Variants in DKK2 observed in about 807,000 individuals in gnomAD.
The protein encoded by DKK2 is dickkopf Wnt signaling pathway inhibitor 2, also known as dickkopf-related protein 2.
A neutral mutation model predicts 28.1 loss-of-function variants in DKK2; 11 were observed. The observed-to-expected ratio is 0.39, with a 90% CI of 0.25 to 0.65. The LOEUF (loss-of-function observed/expected upper bound fraction) is 0.65, where lower values mean the gene tolerates loss of function less well. DKK2 is among the 30% of genes least tolerant of loss of function. The pLI, the probability that DKK2 is intolerant of heterozygous loss-of-function variation, is 0.47. For missense variants in DKK2, 326 were observed against 335.5 expected (o/e 0.97, Z 0.22); for synonymous variants, 135 against 126.5 (o/e 1.07, Z -0.45).
At chr4:106,944,519 G>A (rs1724749659) in intron 1 of DKK2, among the ~76,000 whole-genome samples, 1 of 151,970 alleles carries the variant, frequency 6.6e-6, no homozygotes, top group African/African-American at 2.4e-5. Context: ...AAACCCTACA[G>A]AAATTTACAT....
At chr4:106,997,763 A>C (rs2110363862) in intron 1 of DKK2, among the ~76,000 whole-genome samples, 1 of 152,328 alleles carries the variant, frequency 6.6e-6, no homozygotes, top group South Asian at 2.1e-4. Context: ...GTCTGCAACT[A>C]TGCATGCATG....
chr4:106,974,499 G>GAA (rs1313735302), intron 1 of DKK2, among the ~76,000 whole-genome samples: 2 of 151,878 alleles, frequency 1.3e-5, no homozygotes, highest in Non-Finnish European at 2.9e-5. Context: ...TTCTCTTCAT[G>GAA]GCAATTGTGA....
chr4:107,001,605 C>T (rs1320878424), intron 1 of DKK2, among the ~76,000 whole-genome samples: 4 of 152,250 alleles, frequency 2.6e-5, no homozygotes, highest in East Asian at 3.9e-4. Flanking sequence ...ATGCTTGGTG[C>T]TCAGTAAAGA....
chr4:107,017,462 A>G (rs1439358138), intron 1 of DKK2, among the ~76,000 whole-genome samples: 2 of 152,020 alleles, frequency 1.3e-5, no homozygotes, highest in Non-Finnish European at 2.9e-5. Flanking sequence ...TTAGAGAGAG[A>G]GAATCAGAGA....
intron 1 of DKK2, among the ~76,000 whole-genome samples, chr4:106,948,791 A>G (rs1389557059): frequency 1.3e-5 from 2 of 152,166 alleles, no homozygotes; most frequent in South Asian, 2.1e-4. Flanking sequence ...ATCAAAGGTA[A>G]GAGGGCTTCT....
intron 1 of DKK2, among the ~76,000 whole-genome samples, chr4:106,990,684 C>G (rs184959880): frequency 2.0e-5 from 3 of 152,094 alleles, no homozygotes; most frequent in Non-Finnish European, 2.9e-5. Context: ...TCTCTCCAAG[C>G]ACCTCTTACA....
At chr4:106,936,955 T>C (rs1183461507) in intron 1 of DKK2, among the ~76,000 whole-genome samples, 3 of 151,452 alleles carry the variant, frequency 2.0e-5, no homozygotes, top group Non-Finnish European at 4.4e-5. Context: ...CTAAAAGAGC[T>C]CCTGAAGGAA....
chr4:106,967,724 A>G (rs1274562133), intron 1 of DKK2, among the ~76,000 whole-genome samples: 1 of 151,848 alleles, frequency 6.6e-6, no homozygotes, highest in Non-Finnish European at 1.5e-5. Flanking sequence ...GAAGGAAGAA[A>G]GGAGGAAGGA....
At chr4:107,033,859 G>T (rs748955785) in intron 1 of DKK2, among the ~76,000 whole-genome samples, 18 of 152,110 alleles carry the variant, frequency 1.2e-4, no homozygotes, top group South Asian at 4.1e-4. Context: ...AAATCCTGGG[G>T]TGACTCGCAG....
chr4:106,939,401 G>T (rs1204837703), intron 1 of DKK2, among the ~76,000 whole-genome samples: 4 of 152,096 alleles, frequency 2.6e-5, no homozygotes, highest in African/African-American at 9.7e-5. Flanking sequence ...CAACTTACAA[G>T]GGATGTGAAG....
intron 3 of DKK2, 77 bp from the exon 4 acceptor site, chr4:106,924,281 T>C: frequency 2.6e-6 from 4 of 1,534,756 alleles, no homozygotes; most frequent in Non-Finnish European, 3.5e-6. Context: ...CAGAAGCACA[T>C]AAAATATTTT....
intron 1 of DKK2, among the ~76,000 whole-genome samples, chr4:107,033,015 G>T (rs898052629): frequency 6.6e-6 from 1 of 150,942 alleles, no homozygotes; most frequent in African/African-American, 2.5e-5. Flanking sequence ...AGTATCCAAA[G>T]AATTATTCTT....
chr4:106,965,263 A>C (rs1170281386), intron 1 of DKK2, among the ~76,000 whole-genome samples: 1 of 152,110 alleles, frequency 6.6e-6, no homozygotes, highest in East Asian at 1.9e-4. Context: ...TATTTTGTTA[A>C]TATCCAGATA....
Position 107,005,124 on chromosome 4 carries a change from C to T in DKK2, c.222+30246G>A, listed in dbSNP as rs115370330. Among the ~76,000 whole-genome samples, 811 of 152,086 alleles carry T rather than the reference C, an allele frequency of 5.3e-3. 10 individuals are homozygous for T. The highest frequency in any genetic ancestry group is 0.019 in the African/African-American group (776 of 41,490). On this transcript the variant is annotated intron_variant, in intron 1 of 3. Transcript: ENST00000285311. The stretch of plus-strand genomic sequence containing the variant: ...TTGGAAGCCCGAGGCGGGCGTGTCA[C>T]GATTTGAGGAGATCGAGACCATCCT...
At chr4:106,932,116 C>T (rs1179523049) in intron 1 of DKK2, among the ~76,000 whole-genome samples, 3 of 152,084 alleles carry the variant, frequency 2.0e-5, no homozygotes, top group African/African-American at 7.2e-5. Flanking sequence ...ATTAGAACAA[C>T]TCGTGATCTG....
At chr4:107,029,856 A>G (rs1382095038) in intron 1 of DKK2, among the ~76,000 whole-genome samples, 1 of 152,142 alleles carries the variant, frequency 6.6e-6, no homozygotes, top group Admixed American at 6.5e-5. Context: ...CAAAGTATTT[A>G]AAAGGATATC....
intron 1 of DKK2, among the ~76,000 whole-genome samples, chr4:106,999,642 G>T (rs1218888620): frequency 6.6e-6 from 1 of 152,088 alleles, no homozygotes; most frequent in Non-Finnish European, 1.5e-5. Flanking sequence ...ACCGTGCCCG[G>T]CCCTGTATCT....
chr4:106,938,720 C>G lies in DKK2; in HGVS notation c.223-12771G>C, dbSNP rs1254541167. Among the ~76,000 whole-genome samples the G allele has an allele frequency of 2.6e-5, 4 of 152,188 alleles. No individual in the cohort carries two copies. In the South Asian group the frequency reaches 6.2e-4, roughly 24 times the overall value. On this transcript the variant is annotated intron_variant, in intron 1 of 3. Coordinates refer to ENST00000285311, the MANE Select transcript of DKK2 (RefSeq NM_014421.3). ...TGATGCAAAAATCCTCAACAAAATA[C>G]TGGCAAAACGAATCCAGCAGCACAT...
intron 1 of DKK2, among the ~76,000 whole-genome samples, chr4:107,000,768 T>C (rs974772100): frequency 6.6e-6 from 1 of 152,190 alleles, no homozygotes; most frequent in Admixed American, 6.5e-5. Flanking sequence ...AAAGTATTCA[T>C]ACATTGTTTA....
Sources: gnomAD v4.1 joint callset for allele counts (sites outside exome capture counted in the v4.1 genomes callset) on GRCh38, gnomAD v4.1.1 for gene constraint, MANE v1.5 for transcripts, NCBI Gene and HGNC (gene_info 2026-07-23, HGNC 2026-07-21) for gene names.